Variants in SBF2 observed in about 807,000 individuals in gnomAD.
SBF2 encodes SET binding factor 2.
SBF2 carries 112 observed loss-of-function variants against 225.2 expected under a neutral mutation model. The ratio of observed to expected loss-of-function variants is 0.50; its 90% CI spans 0.43 to 0.58. SBF2 has a LOEUF of 0.58. Among genes scored for constraint, SBF2 ranks in the 20% least tolerant of loss-of-function variants. The pLI, the probability that SBF2 is intolerant of heterozygous loss-of-function variation, is 0.00. For missense variants in SBF2, 1,996 were observed against 2,206.2 expected, an observed-to-expected ratio of 0.90 and a Z score of 1.91; for synonymous variants, 763 against 773.3, an observed-to-expected ratio of 0.99 and a Z score of 0.22.
chr11:10,115,450 A>C (rs1953089983), intron 2 of SBF2, among the ~76,000 whole-genome samples: 1 of 152,190 alleles, frequency 6.6e-6, no homozygotes, highest in Non-Finnish European at 1.5e-5. Context: ...TGGTTTACTA[A>C]TCCCATTTGA....
chr11:10,030,869 A>T (rs923953228), intron 4 of SBF2, among the ~76,000 whole-genome samples, 179 bp downstream of exon 4: 1 of 152,200 alleles, frequency 6.6e-6, no homozygotes, highest in Non-Finnish European at 1.5e-5. Flanking sequence ...ACATTAACTT[A>T]TTCAGGTATT....
At chr11:10,095,975 TTAAC>T (rs1469706857) in intron 2 of SBF2, among the ~76,000 whole-genome samples, 23 of 152,156 alleles carry the variant, frequency 1.5e-4, no homozygotes, top group Non-Finnish European at 2.5e-4. Context: ...CTTAGTTACT[TTAAC>T]TAAGTGACTA....
chr11:9,966,415 T>C lies in SBF2; in HGVS notation c.1600+1926A>G, dbSNP rs192676125. On this transcript the variant is annotated intron_variant, in intron 14 of 39. Transcript: ENST00000256190. ...AGAAAACATATTTTCTTGTAATAAA[T>C]ATGTTTACTATCTGGAATTTTTTTC... 3.8e-3 allele frequency among the ~76,000 whole-genome samples: 580 copies of C among 152,326 alleles called. 4 individuals carry two copies. The highest frequency in any genetic ancestry group is 5.4e-3 in the South Asian group (26 of 4,832).
At chr11:10,020,838 C>T (rs77183865) in intron 6 of SBF2, among the ~76,000 whole-genome samples, 2,803 of 152,106 alleles carry the variant, frequency 0.018, 43 homozygotes, top group Non-Finnish European at 0.031. Flanking sequence ...CTACAGTCAA[C>T]ATTTTAATAA....
chr11:9,845,834 G>C (rs2133970512), intron 23 of SBF2, 94 bp from the exon 24 acceptor site: 3 of 1,150,282 alleles, frequency 2.6e-6, no homozygotes, highest in East Asian at 2.3e-5. Context: ...AAAATGGCAA[G>C]ACTGGAGGTC....
At chr11:10,146,444 C>G (rs186763686) in intron 2 of SBF2, among the ~76,000 whole-genome samples, 1 of 151,794 alleles carries the variant, frequency 6.6e-6, no homozygotes, top group Non-Finnish European at 1.5e-5. Context: ...CAATCTTGAA[C>G]AAAGCCGACA....
At chr11:10,075,404 T>C (rs566101923) in intron 2 of SBF2, among the ~76,000 whole-genome samples, 1 of 152,202 alleles carries the variant, frequency 6.6e-6, no homozygotes, top group Non-Finnish European at 1.5e-5. Context: ...CTGCTATTGC[T>C]ATGTAAGAGA....
chr11:10,264,739 C>G (rs1383146850), intron 1 of SBF2, among the ~76,000 whole-genome samples: 1 of 151,774 alleles, frequency 6.6e-6, no homozygotes, highest in Non-Finnish European at 1.5e-5. Context: ...CCCCTAGCCC[C>G]CCACCCCCCG....
intron 16 of SBF2, among the ~76,000 whole-genome samples, chr11:9,910,219 T>C (rs991067070): frequency 6.6e-6 from 1 of 152,168 alleles, no homozygotes; most frequent in South Asian, 2.1e-4. Context: ...ATAATGGAGC[T>C]GAAAAATTCT....
At chr11:10,227,133 G>T (rs1373681946) in intron 1 of SBF2, among the ~76,000 whole-genome samples, 1 of 152,122 alleles carries the variant, frequency 6.6e-6, no homozygotes, top group Admixed American at 6.5e-5. Context: ...CTTTTGAGAA[G>T]TGTCTGTTCA....
chr11:9,826,941 G>A (rs990537397), intron 28 of SBF2, among the ~76,000 whole-genome samples: 1 of 151,942 alleles, frequency 6.6e-6, no homozygotes, highest in Non-Finnish European at 1.5e-5. Flanking sequence ...GGGTTCAACT[G>A]ATTCTCCTGT....
chr11:10,053,524 T>C (rs1399197801), intron 2 of SBF2, among the ~76,000 whole-genome samples: 2 of 152,190 alleles, frequency 1.3e-5, no homozygotes, highest in Non-Finnish European at 2.9e-5. Context: ...TTTAGGAGAC[T>C]GAAGTCTGTG....
At chr11:10,187,453 C>T (rs868834214) in intron 2 of SBF2, among the ~76,000 whole-genome samples, 31 of 152,264 alleles carry the variant, frequency 2.0e-4, no homozygotes, top group African/African-American at 6.7e-4. Flanking sequence ...TAGATAACTG[C>T]CTGGTAGCAG....
chr11:10,174,366 A>C (rs1591134168), intron 2 of SBF2, among the ~76,000 whole-genome samples: 1 of 152,248 alleles, frequency 6.6e-6, no homozygotes, highest in African/African-American at 2.4e-5. Context: ...TGAAGAATGC[A>C]GAAGCCTCAG....
At chr11:10,019,671 C>T (rs1262084830) in intron 6 of SBF2, among the ~76,000 whole-genome samples, 2 of 149,886 alleles carry the variant, frequency 1.3e-5, no homozygotes, top group Non-Finnish European at 3.0e-5. Context: ...AAAAAAAAGA[C>T]GACTTCATTT....
At chr11:10,237,788 C>A (rs1417538830) in intron 1 of SBF2, among the ~76,000 whole-genome samples, 1 of 152,210 alleles carries the variant, frequency 6.6e-6, no homozygotes, top group Non-Finnish European at 1.5e-5. Context: ...TAGTACTCCA[C>A]ATTCCTAAAC....
intron 1 of SBF2, among the ~76,000 whole-genome samples, chr11:10,219,654 T>C (rs72863308): frequency 0.032 from 4,916 of 152,288 alleles, 101 homozygotes; most frequent in Middle Eastern, 0.088. Flanking sequence ...TTGAATGCTC[T>C]GCCGCTTAGA....
At chr11:10,236,709 G>A (rs1959092514) in intron 1 of SBF2, among the ~76,000 whole-genome samples, 1 of 152,204 alleles carries the variant, frequency 6.6e-6, no homozygotes, top group South Asian at 2.1e-4. Flanking sequence ...TAATCCACCC[G>A]CCTCGGCCTC....
chr11:10,226,945 T>C (rs1249875955), intron 1 of SBF2, among the ~76,000 whole-genome samples: 1 of 152,344 alleles, frequency 6.6e-6, no homozygotes, highest in East Asian at 1.9e-4. Flanking sequence ...CCACCAACAG[T>C]ATAAAAGTGT....
Sources: allele counts gnomAD v4.1 joint callset (sites outside exome capture counted in the v4.1 genomes callset), GRCh38; gene constraint gnomAD v4.1.1; transcripts MANE v1.5; gene names NCBI Gene and HGNC (gene_info 2026-07-23, HGNC 2026-07-21).